PHF21B: variants seen among roughly 807,000 people sequenced by gnomAD.
The protein encoded by PHF21B is PHD finger protein 4.
Under a neutral mutation model 62.2 loss-of-function variants are expected in PHF21B, and 22 were observed. The observed-to-expected ratio is 0.35, with a 90% CI of 0.25 to 0.51. The LOEUF is 0.51. Ranked by LOEUF, PHF21B falls within the 20% of genes least tolerant of loss-of-function variation. PHF21B has a pLI of 0.97. For missense variants in PHF21B, 701 were observed against 707.9 expected (o/e 0.99, Z 0.11); for synonymous variants, 341 against 314.7 (o/e 1.08, Z -0.88).
chr22:44,972,434 G>A (rs11704952), intron 2 of PHF21B, among the ~76,000 whole-genome samples: 10,247 of 152,288 alleles, frequency 0.067, 407 homozygotes, highest in Middle Eastern at 0.14. Context: ...GTTGGCGGAC[G>A]CTGCTGCTCA....
chr22:44,979,893 A>ACCCG (rs2072806018), intron 2 of PHF21B, among the ~76,000 whole-genome samples: 1 of 151,636 alleles, frequency 6.6e-6, no homozygotes, highest in African/African-American at 2.4e-5. Flanking sequence ...ACATGGTGAA[A>ACCCG]CCCGGTCTCT....
At chr22:44,926,155 G>A (rs1231116641) in intron 2 of PHF21B, among the ~76,000 whole-genome samples, 1 of 84,620 alleles carries the variant, frequency 1.2e-5, no homozygotes, top group Non-Finnish European at 3.0e-5. Context: ...TGGTGGGAAG[G>A]TCCATGAGGC....
intron 11 of PHF21B, 32 bp from the exon 12 acceptor site, chr22:44,885,561 G>A: frequency 6.4e-7 from 1 of 1,553,534 alleles, no homozygotes; most frequent in Non-Finnish European, 8.7e-7. Flanking sequence ...CCCTGGAGAG[G>A]GGCAGGTAAG....
At chr22:44,927,658 C>T (rs1382865999) in intron 2 of PHF21B, among the ~76,000 whole-genome samples, 3 of 152,204 alleles carry the variant, frequency 2.0e-5, no homozygotes, top group African/African-American at 7.2e-5. Context: ...TTTCTTCACT[C>T]CAAGCCTACC....
At chr22:44,904,030 T>C (rs2071206683) in intron 5 of PHF21B, among the ~76,000 whole-genome samples, 1 of 151,638 alleles carries the variant, frequency 6.6e-6, no homozygotes, top group South Asian at 2.1e-4. Flanking sequence ...AAAAAAAAGC[T>C]CCACATTCAC....
chr22:44,895,761 C>G (rs559584012), intron 6 of PHF21B, among the ~76,000 whole-genome samples: 1 of 152,162 alleles, frequency 6.6e-6, no homozygotes, highest in Non-Finnish European at 1.5e-5. Context: ...GGAGCCAGGG[C>G]GAGTCTGGAA....
intron 2 of PHF21B, among the ~76,000 whole-genome samples, chr22:44,997,723 C>T (rs906413637): frequency 6.6e-6 from 1 of 152,142 alleles, no homozygotes. Context: ...AGAAACACTT[C>T]TCCCTCTCTT....
chr22:44,975,015 G>T (rs1601666304), intron 2 of PHF21B, among the ~76,000 whole-genome samples: 1 of 152,254 alleles, frequency 6.6e-6, no homozygotes, highest in East Asian at 1.9e-4. Context: ...CCTCCTGTCG[G>T]TCTCTGTCTC....
intron 2 of PHF21B, among the ~76,000 whole-genome samples, chr22:45,003,978 CAT>C (rs772707449): frequency 4.5e-4 from 69 of 152,150 alleles, no homozygotes; most frequent in East Asian, 3.9e-3. Context: ...CACACACACA[CAT>C]ACATATATAC....
At chr22:44,945,238 T>C (rs934062912) in intron 2 of PHF21B, among the ~76,000 whole-genome samples, 1 of 152,174 alleles carries the variant, frequency 6.6e-6, no homozygotes, top group Admixed American at 6.5e-5. Context: ...GGGAGGCCCA[T>C]GGGCACCTAG....
chr22:44,958,595 TTGA>T (rs1203127552), intron 2 of PHF21B, among the ~76,000 whole-genome samples: 6 of 124,832 alleles, frequency 4.8e-5, no homozygotes, highest in Admixed American at 9.6e-5. Context: ...CAGCCTTCCT[TTGA>T]TTTTTTTTTT....
At chr22:44,941,773 G>A (rs776687773) in intron 2 of PHF21B, among the ~76,000 whole-genome samples, 1 of 152,182 alleles carries the variant, frequency 6.6e-6, no homozygotes, top group Non-Finnish European at 1.5e-5. Context: ...CCTGCTCATG[G>A]TGACCAGCCA....
At chr22:44,916,154 T>C in intron 4 of PHF21B, 126 bp downstream of exon 4, 1 of 887,704 alleles carries the variant, frequency 1.1e-6, no homozygotes, top group Non-Finnish European at 1.7e-6. Context: ...TTTGTCCACT[T>C]GATCATTCTG....
intron 2 of PHF21B, among the ~76,000 whole-genome samples, chr22:44,974,661 T>C (rs949809581): frequency 1.3e-5 from 2 of 152,308 alleles, no homozygotes; most frequent in South Asian, 2.1e-4. Flanking sequence ...CCTGGTGCTA[T>C]ACAGTGTGTG....
At chr22:45,007,679 TGCGCGGGGAAGGGGCGGGTGTGCGA>T (rs1457912728) in intron 2 of PHF21B, among the ~76,000 whole-genome samples, 13,385 of 122,042 alleles carry the variant, frequency 0.11, 1,032 homozygotes, top group East Asian at 0.31. Flanking sequence ...GGCTCGGGGC[TGCGCGGGGAAGGGGCGGGTGTGCGA>T]GCGCGGGGAA....
At chr22:44,959,502 T>G (rs1000647499) in intron 2 of PHF21B, among the ~76,000 whole-genome samples, 1 of 152,202 alleles carries the variant, frequency 6.6e-6, no homozygotes, top group African/African-American at 2.4e-5. Flanking sequence ...GAAAAGTGTT[T>G]GTGCTCAGCA....
intron 1 of PHF21B, chr22:45,008,926 C>CGGGGGAG: frequency 8.9e-7 from 1 of 1,119,488 alleles, no homozygotes; most frequent in Non-Finnish European, 1.1e-6. Flanking sequence ...GAGTGTGTGC[C>CGGGGGAG]GGGGGAGGGG....
intron 2 of PHF21B, among the ~76,000 whole-genome samples, chr22:44,969,845 A>G (rs1020805390): frequency 1.3e-5 from 2 of 152,164 alleles, no homozygotes; most frequent in Non-Finnish European, 1.5e-5. Flanking sequence ...CATTTTACAG[A>G]TGAGGAAATG....
intron 5 of PHF21B, chr22:44,901,866 G>A (rs2071165798): frequency 7.7e-6 from 2 of 261,344 alleles, no homozygotes; most frequent in Non-Finnish European, 1.5e-5. Flanking sequence ...AACAGTTGGT[G>A]GTGACAAGAA....
Sources: allele counts gnomAD v4.1 joint callset (sites outside exome capture counted in the v4.1 genomes callset), GRCh38; gene constraint gnomAD v4.1.1; transcripts MANE v1.5; gene names NCBI Gene and HGNC (gene_info 2026-07-23, HGNC 2026-07-21).